The following INVS variants were observed in gnomAD, a reference collection of about 807,000 sequenced individuals.
INVS encodes inversin.
In INVS, 86 loss-of-function variants were observed where a neutral mutation model predicts 108.8. That is an observed-to-expected ratio of 0.79 (90% CI 0.66 to 0.95). The LOEUF is 0.95. Among genes scored for constraint, INVS ranks in the 40% least tolerant of loss-of-function variants. INVS has a pLI of 0.00. For synonymous variants in INVS, 455 were observed against 473.5 expected, an observed-to-expected ratio of 0.96 and a Z score of 0.51; for missense variants, 1,169 against 1,297.4, an observed-to-expected ratio of 0.90 and a Z score of 1.52.
chr9:100,287,076 C>A (rs947999727), intron 13 of INVS, among the ~76,000 whole-genome samples: 1 of 152,170 alleles, frequency 6.6e-6, no homozygotes, highest in African/African-American at 2.4e-5. Context: ...TTACGGGCTT[C>A]ATCTGGTCTC....
At chr9:100,175,604 A>T in intron 3 of INVS, 1 of 689,540 alleles carries the variant, frequency 1.5e-6, no homozygotes, top group East Asian at 2.8e-5. Context: ...GGTGGCAGAA[A>T]AACAGCTGCC....
At chr9:100,117,247 A>T (rs1444109294) in intron 2 of INVS, 2 of 825,074 alleles carry the variant, frequency 2.4e-6, no homozygotes, top group South Asian at 3.0e-5. Context: ...AGTCCCCGAT[A>T]GCAACAAACG....
chr9:100,240,366 A>G (rs912192375), intron 6 of INVS, 126 bp downstream of exon 6: 20 of 660,652 alleles, frequency 3.0e-5, no homozygotes, highest in Non-Finnish European at 4.3e-5. Flanking sequence ...GATATGTTGC[A>G]TTGTTTTATA....
At chr9:100,212,093 T>C (rs982768181) in intron 3 of INVS, among the ~76,000 whole-genome samples, 2 of 152,214 alleles carry the variant, frequency 1.3e-5, no homozygotes, top group African/African-American at 4.8e-5. Context: ...TTTCATGAGT[T>C]GATTGCTGTA....
At chr9:100,250,403 T>C (rs146817302) in intron 8 of INVS, among the ~76,000 whole-genome samples, 53 of 152,310 alleles carry the variant, frequency 3.5e-4, no homozygotes, top group African/African-American at 1.3e-3. Flanking sequence ...GTGAATGTTC[T>C]ACCCTGTGCT....
At chr9:100,190,525 C>G (rs1447300716) in intron 3 of INVS, among the ~76,000 whole-genome samples, 1 of 152,084 alleles carries the variant, frequency 6.6e-6, no homozygotes, top group Non-Finnish European at 1.5e-5. Flanking sequence ...AGATTTAGAG[C>G]TCCTTTTAGT....
intron 3 of INVS, among the ~76,000 whole-genome samples, chr9:100,160,690 C>A (rs1588049695): frequency 1.0e-5 from 1 of 99,578 alleles, no homozygotes; most frequent in Admixed American, 8.3e-5. Context: ...TTGTTAATTT[C>A]CCCGTTGTTA....
intron 10 of INVS, among the ~76,000 whole-genome samples, chr9:100,255,025 G>C (rs1021167888): frequency 6.6e-6 from 1 of 152,112 alleles, no homozygotes; most frequent in Non-Finnish European, 1.5e-5. Context: ...CCATTTTCAC[G>C]ATATTGATTC....
At chr9:100,277,987 A>T (rs1833159511) in intron 12 of INVS, among the ~76,000 whole-genome samples, 2 of 152,134 alleles carry the variant, frequency 1.3e-5, no homozygotes, top group African/African-American at 4.8e-5. Context: ...ACAGCACTTT[A>T]GGAGGCCAAG....
At chr9:100,115,237 T>C (rs1827471906) in intron 2 of INVS, among the ~76,000 whole-genome samples, 1 of 152,004 alleles carries the variant, frequency 6.6e-6, no homozygotes, top group Non-Finnish European at 1.5e-5. Context: ...GCTTATTTAG[T>C]GAAATGTCTA....
intron 3 of INVS, among the ~76,000 whole-genome samples, chr9:100,153,978 A>G (rs946888201): frequency 3.3e-5 from 5 of 152,370 alleles, no homozygotes; most frequent in East Asian, 1.9e-4. Context: ...TAGCATTGGT[A>G]TAACGCTTAT....
At chr9:100,107,564 G>A (rs10988973) in intron 2 of INVS, among the ~76,000 whole-genome samples, 70,628 of 151,854 alleles carry the variant, frequency 0.47, 17,724 homozygotes, top group East Asian at 0.9. Context: ...TCATCTCAGG[G>A]CTTTTGCCTG....
At chr9:100,255,513 C>G (rs1423603808) in intron 10 of INVS, among the ~76,000 whole-genome samples, 1 of 152,094 alleles carries the variant, frequency 6.6e-6, no homozygotes, top group Admixed American at 6.5e-5. Context: ...GGAATGCTTC[C>G]AGTTTTTGCC....
At chr9:100,112,125 C>G (rs1309672123) in intron 2 of INVS, among the ~76,000 whole-genome samples, 1 of 152,114 alleles carries the variant, frequency 6.6e-6, no homozygotes, top group Non-Finnish European at 1.5e-5. Context: ...GTACATGCCA[C>G]CATGCTCAGC....
intron 3 of INVS, among the ~76,000 whole-genome samples, chr9:100,170,812 T>C (rs753676716): frequency 3.3e-5 from 5 of 152,192 alleles, no homozygotes; most frequent in Admixed American, 3.3e-4. Context: ...TGCTAAGTTA[T>C]GGAAATACAA....
intron 3 of INVS, chr9:100,175,479 T>G (rs1829682186): frequency 1.2e-6 from 1 of 822,576 alleles, no homozygotes; most frequent in African/African-American, 1.7e-5. Flanking sequence ...CAGTGATAGA[T>G]TTCAGAGACA....
chr9:100,136,800 G>A (rs1021973900), intron 3 of INVS, among the ~76,000 whole-genome samples: 7 of 152,196 alleles, frequency 4.6e-5, no homozygotes, highest in African/African-American at 7.2e-5. Context: ...AGTGCTTTGG[G>A]AGGCTGAGGT....
At chr9:100,226,028 A>G in intron 3 of INVS, 34 bp from the exon 4 acceptor site, 1 of 1,550,380 alleles carries the variant, frequency 6.5e-7, no homozygotes, top group South Asian at 1.2e-5. Flanking sequence ...CCCATAGTAC[A>G]TTTTTTTCTT....
At chr9:100,252,138 G>C in intron 8 of INVS, 145 bp from the exon 9 acceptor site, 1 of 946,698 alleles carries the variant, frequency 1.1e-6, no homozygotes, top group Non-Finnish European at 1.6e-6. Flanking sequence ...ATCTAAAAAA[G>C]CAAAAAATAA....
Sources: allele counts gnomAD v4.1 joint callset (sites outside exome capture counted in the v4.1 genomes callset), GRCh38; gene constraint gnomAD v4.1.1; transcripts MANE v1.5; gene names NCBI Gene and HGNC (gene_info 2026-07-23, HGNC 2026-07-21).